IL21R: variants seen among roughly 807,000 people sequenced by gnomAD.
IL21R encodes the protein interleukin-21 receptor.
Under a neutral mutation model 41.3 loss-of-function variants are expected in IL21R, and 14 were observed. The observed-to-expected ratio is 0.34, with a 90% CI of 0.22 to 0.53. The LOEUF (loss-of-function observed/expected upper bound fraction) is 0.53. Among genes scored for constraint, IL21R ranks in the 20% least tolerant of loss-of-function variants. The probability of loss-of-function intolerance (pLI) is 0.94; values close to 1 mark genes in which losing one functional copy is unlikely to be tolerated. For missense variants in IL21R, 588 were observed against 681.6 expected (o/e 0.86, Z 1.53); for synonymous variants, 286 against 287.6 (o/e 0.99, Z 0.05).
In IL21R at chr16:27,449,213, C is replaced by G. The variant is rs767250758; in HGVS notation, c.1547C>G (p.Pro516Arg). 1.2e-6 allele frequency: 2 copies of G among 1,612,752 alleles called. No homozygotes were observed. The highest frequency in any genetic ancestry group is 1.3e-5 in the African/African-American group (1 of 74,934). The part of the protein sequence containing the change: ...DFTSPGDEGP[P>R]RSYLRQWVVI... ...ACCAGCCCCGGGGACGAAGGACCCC[C>G]CCGGAGCTACCTCCGCCAGTGGGTG... Residue 516 changes from proline to arginine, a missense_variant, in exon 9 of 9, where the codon CCC becomes CGC. Pro to Arg is a moderately radical substitution (Grantham distance 103). Coordinates refer to ENST00000337929, the MANE Select transcript of IL21R (RefSeq NM_181078.3).
chr16:27,433,150 C>A (rs374404182), intron 2 of IL21R, among the ~76,000 whole-genome samples: 10 of 152,254 alleles, frequency 6.6e-5, no homozygotes, highest in Admixed American at 2.6e-4. Flanking sequence ...TAGGAAAAAG[C>A]CACCAAAAAT....
chr16:27,424,898 T>C (rs752894806), intron 1 of IL21R, among the ~76,000 whole-genome samples: 32 of 152,126 alleles, frequency 2.1e-4, no homozygotes, highest in Admixed American at 1.2e-3. Flanking sequence ...TCAGGGAGCC[T>C]TTACTCAAGG....
At chr16:27,430,543 GCGGTGGCTCCTA>G (rs527471404) in intron 2 of IL21R, among the ~76,000 whole-genome samples, 10 of 152,156 alleles carry the variant, frequency 6.6e-5, no homozygotes, top group Non-Finnish European at 1.0e-4. Flanking sequence ...TGCACCGGGT[GCGGTGGCTCCTA>G]CTGGAATCCC....
intron 1 of IL21R, among the ~76,000 whole-genome samples, chr16:27,424,084 C>G (rs2087037886): frequency 6.6e-6 from 1 of 151,612 alleles, no homozygotes; most frequent in African/African-American, 2.4e-5. Flanking sequence ...TCTTCTTTTT[C>G]TTTTTTTTGA....
At chr16:27,427,785 C>A (rs971087655) in intron 1 of IL21R, among the ~76,000 whole-genome samples, 9 of 152,078 alleles carry the variant, frequency 5.9e-5, no homozygotes, top group Non-Finnish European at 8.8e-5. Flanking sequence ...ACAGACTCCC[C>A]CTCCTGCGAT....
At chr16:27,408,092 C>A (rs2086775039) in intron 1 of IL21R, among the ~76,000 whole-genome samples, 1 of 151,712 alleles carries the variant, frequency 6.6e-6, no homozygotes, top group South Asian at 2.1e-4. Context: ...TCAGCAGTAA[C>A]AAAGAAACAC....
At chr16:27,402,952 G>A (rs575156932) in intron 1 of IL21R, 142 of 360,996 alleles carry the variant, frequency 3.9e-4, no homozygotes, top group African/African-American at 2.7e-3. Context: ...GATTCTGGGC[G>A]GCTGAGTCGG....
intron 1 of IL21R, among the ~76,000 whole-genome samples, chr16:27,409,913 C>T (rs2086801452): frequency 6.6e-6 from 1 of 152,144 alleles, no homozygotes; most frequent in South Asian, 2.1e-4. Flanking sequence ...TGAAACTTTA[C>T]TTCAATTTGG....
chr16:27,433,008 T>C (rs1596584715), intron 2 of IL21R, among the ~76,000 whole-genome samples: 1 of 152,276 alleles, frequency 6.6e-6, no homozygotes, highest in Admixed American at 6.5e-5. Context: ...AGTGTTCTCA[T>C]CTCTACAATG....
At chr16:27,440,852 A>C (rs2087375906) in intron 4 of IL21R, among the ~76,000 whole-genome samples, 1 of 151,988 alleles carries the variant, frequency 6.6e-6, no homozygotes, top group South Asian at 2.1e-4. Context: ...GAAGATCAAG[A>C]CCAGTCTGGC....
chr16:27,440,286 A>AGAGAG (rs1567370101), intron 4 of IL21R, among the ~76,000 whole-genome samples: 12 of 105,462 alleles, frequency 1.1e-4, no homozygotes, highest in African/African-American at 4.4e-4. Context: ...GAGAGCGAGC[A>AGAGAG]AGCGCGCGCC....
At chr16:27,407,323 C>A (rs1182100236) in intron 1 of IL21R, among the ~76,000 whole-genome samples, 2 of 152,194 alleles carry the variant, frequency 1.3e-5, no homozygotes, top group Non-Finnish European at 2.9e-5. Context: ...TCATCTTACA[C>A]CTGCTATGAA....
At chr16:27,429,537 C>A (rs1045334226) in intron 1 of IL21R, among the ~76,000 whole-genome samples, 2 of 151,934 alleles carry the variant, frequency 1.3e-5, no homozygotes, top group Non-Finnish European at 2.9e-5. Flanking sequence ...TTTGAGAGGC[C>A]GAGGTAGGAG....
intron 8 of IL21R, 127 bp from the exon 9 acceptor site, chr16:27,448,407 A>C: frequency 1.0e-6 from 1 of 982,232 alleles, no homozygotes; most frequent in Non-Finnish European, 1.5e-6. Flanking sequence ...GTGAACCGAG[A>C]TGGCACCACT....
chr16:27,411,951 T>C (rs1004604697), intron 1 of IL21R, among the ~76,000 whole-genome samples: 1 of 152,220 alleles, frequency 6.6e-6, no homozygotes, highest in Non-Finnish European at 1.5e-5. Context: ...TGTAGTCTCA[T>C]ATGTCTATTT....
intron 1 of IL21R, among the ~76,000 whole-genome samples, chr16:27,406,767 TCCAG>T (rs1271879529): frequency 1.3e-5 from 2 of 151,678 alleles, no homozygotes; most frequent in Non-Finnish European, 2.9e-5. Context: ...ACACTCCGCA[TCCAG>T]GCTAAGCCTG....
chr16:27,434,046 G>A lies in IL21R; in HGVS notation c.50-301G>A, dbSNP rs111246233. The stretch of plus-strand genomic sequence containing the variant: ...CAGGAGGGACACAGACCTGGTGGCC[G>A]GGCGCAGGGCTCTGGAGGAGGGTGC... On this transcript the variant is annotated intron_variant, in intron 2 of 8. Coordinates refer to ENST00000337929, the MANE Select transcript of IL21R (RefSeq NM_181078.3). Among the ~76,000 whole-genome samples, 209 of 152,228 alleles carry A rather than the reference G, an allele frequency of 1.4e-3. 1 individual carries two copies. Among genetic ancestry groups the A allele is most frequent in the African/African-American group, 4.7e-3 (196 of 41,520 alleles).
intron 2 of IL21R, among the ~76,000 whole-genome samples, chr16:27,430,357 C>T (rs940717231): frequency 6.6e-6 from 1 of 152,226 alleles, no homozygotes; most frequent in African/African-American, 2.4e-5. Context: ...GGTGGCCCAG[C>T]CCACAGGCTT....
chr16:27,402,875 C>G (rs541714128), intron 1 of IL21R, among the ~76,000 whole-genome samples: 1 of 152,318 alleles, frequency 6.6e-6, no homozygotes, highest in Non-Finnish European at 1.5e-5. Context: ...TGAAAACCAG[C>G]CTCCAAAATG....
Sources: gnomAD v4.1 joint callset for allele counts (sites outside exome capture counted in the v4.1 genomes callset) on GRCh38, gnomAD v4.1.1 for gene constraint, MANE v1.5 for transcripts, NCBI Gene and HGNC (gene_info 2026-07-23, HGNC 2026-07-21) for gene names.